SPAG17: variants seen among roughly 807,000 people sequenced by gnomAD.
The protein encoded by SPAG17 is sperm associated antigen 17, also known as sperm-associated antigen 17.
SPAG17 carries 169 observed loss-of-function variants against 273.6 expected under a neutral mutation model. That is an observed-to-expected ratio of 0.62 (90% CI 0.55 to 0.70). The LOEUF (loss-of-function observed/expected upper bound fraction) is 0.70, where lower values mean the gene tolerates loss of function less well. Among genes scored for constraint, SPAG17 ranks in the 30% least tolerant of loss-of-function variants. The probability of loss-of-function intolerance (pLI) is 0.00; values close to 1 mark genes in which losing one functional copy is unlikely to be tolerated. For synonymous variants in SPAG17, 825 were observed against 873.2 expected, an observed-to-expected ratio of 0.94 and a Z score of 0.97; for missense variants, 2,557 against 2,627.8, an observed-to-expected ratio of 0.97 and a Z score of 0.59.
intron 40 of SPAG17, among the ~76,000 whole-genome samples, chr1:117,985,574 C>T (rs1325841701): frequency 1.3e-5 from 2 of 152,120 alleles, no homozygotes; most frequent in Non-Finnish European, 2.9e-5. Context: ...GTGGTGCTTC[C>T]TACCATCAAC....
chr1:118,012,869 G>A (rs1031642778), intron 29 of SPAG17, among the ~76,000 whole-genome samples: 1 of 152,200 alleles, frequency 6.6e-6, no homozygotes. Flanking sequence ...GGGGACAGAG[G>A]CTGTAGCCTC....
chr1:117,963,046 T>G (rs1027408197), intron 48 of SPAG17: 2 of 152,246 alleles, frequency 1.3e-5, no homozygotes, highest in Admixed American at 6.5e-5. Flanking sequence ...TCACCATATA[T>G]TCAAGTCCTT....
intron 1 of SPAG17, among the ~76,000 whole-genome samples, chr1:118,164,710 G>T (rs1174631434): frequency 1.3e-5 from 2 of 152,166 alleles, no homozygotes; most frequent in South Asian, 2.1e-4. Context: ...CCCAAACTCT[G>T]AAGTGTGGAA....
intron 7 of SPAG17, 140 bp from the exon 8 acceptor site, chr1:118,093,457 C>A: frequency 1.3e-6 from 1 of 764,174 alleles, no homozygotes; most frequent in Middle Eastern, 4.0e-4. Context: ...CCACTGAATC[C>A]CAACCATGGT....
At chr1:117,991,632 T>C (rs1657089019) in intron 36 of SPAG17, 104 bp from the exon 37 acceptor site, 1 of 687,080 alleles carries the variant, frequency 1.5e-6, no homozygotes, top group Non-Finnish European at 2.4e-6. Context: ...GAAGAATATA[T>C]AGGTTTACAG....
intron 18 of SPAG17, among the ~76,000 whole-genome samples, chr1:118,058,569 C>T (rs1243921012): frequency 6.6e-6 from 1 of 152,172 alleles, no homozygotes; most frequent in Non-Finnish European, 1.5e-5. Flanking sequence ...AGAAGTGTGG[C>T]AGATGGCAGA....
intron 18 of SPAG17, among the ~76,000 whole-genome samples, chr1:118,058,174 T>C (rs1295500703): frequency 3.3e-5 from 5 of 152,172 alleles, no homozygotes; most frequent in Admixed American, 3.3e-4. Flanking sequence ...TTAAAAGACA[T>C]AGGCTATCAG....
chr1:118,108,596 C>A (rs1656554936), intron 4 of SPAG17, among the ~76,000 whole-genome samples: 1 of 152,066 alleles, frequency 6.6e-6, no homozygotes, highest in African/African-American at 2.4e-5. Context: ...CTTGTCAATT[C>A]AAGGCAAATT....
intron 1 of SPAG17, among the ~76,000 whole-genome samples, chr1:118,159,662 C>T (rs1256130940): frequency 6.6e-6 from 1 of 152,102 alleles, no homozygotes; most frequent in African/African-American, 2.4e-5. Flanking sequence ...CTTCTTTGTA[C>T]CGTGTAGCCT....
chr1:118,080,885 C>T (rs189874549), intron 15 of SPAG17, among the ~76,000 whole-genome samples: 1 of 152,180 alleles, frequency 6.6e-6, no homozygotes, highest in East Asian at 1.9e-4. Flanking sequence ...GCTAAATTTA[C>T]TAAGGTTAAG....
chr1:118,129,398 T>G (rs1465782416), intron 3 of SPAG17, among the ~76,000 whole-genome samples: 1 of 152,224 alleles, frequency 6.6e-6, no homozygotes, highest in Non-Finnish European at 1.5e-5. Flanking sequence ...ACGTAACTCT[T>G]GGGCTCCAAC....
At chr1:118,146,425 T>C (rs1158885410) in intron 3 of SPAG17, among the ~76,000 whole-genome samples, 1 of 152,254 alleles carries the variant, frequency 6.6e-6, no homozygotes, top group Admixed American at 6.5e-5. Flanking sequence ...ATACTTAAGT[T>C]CAGGCATGAA....
chr1:118,062,642 T>A (rs1384808626), intron 18 of SPAG17, among the ~76,000 whole-genome samples: 1 of 152,198 alleles, frequency 6.6e-6, no homozygotes, highest in East Asian at 1.9e-4. Flanking sequence ...GATATAATTA[T>A]AATGAAAAAC....
At chr1:118,184,894 C>G (rs1661113887) in intron 1 of SPAG17, among the ~76,000 whole-genome samples, 177 bp downstream of exon 1, 1 of 152,134 alleles carries the variant, frequency 6.6e-6, no homozygotes, top group Non-Finnish European at 1.5e-5. Context: ...GTGGGTGTTC[C>G]CTTAAGTTCC....
chr1:117,953,674 A>G lies in SPAG17; in HGVS notation c.*376T>C. 1 of 804,488 alleles carries G rather than the reference A, an allele frequency of 1.2e-6. No homozygotes were observed. The allele number at this position is 804,488 out of a possible 1,614,324, so 49.8% of individuals were successfully genotyped here. ...ATGAGATTTAAAGATGGGGATTATA[A>G]CCTGTTTCCTTCTCTTGTAACCAAA... On this transcript the variant is annotated 3_prime_UTR_variant, in exon 49 of 49. Coordinates refer to ENST00000336338, the MANE Select transcript of SPAG17 (RefSeq NM_206996.4).
At position 117,963,870 on chromosome 1, in the gene SPAG17, C is replaced by G. The variant is rs1158200531; in HGVS notation, c.6601G>C (p.Val2201Leu). ...GAATAAATTGTAGAAGTTCTCTGGACCATTGGATTTTCTTTTCCCTGGGGA... is the reference window on the plus strand; with the variant it reads ...GAATAAATTGTAGAAGTTCTCTGGAGCATTGGATTTTCTTTTCCCTGGGGA... ...DFPQGKENPM[V>L]QRTSTIYSST... is the part of the protein sequence containing the mutation. The change falls in exon 48 of 49, where the codon GTC becomes CTC. Residue 2201 changes from valine to leucine, a missense_variant. Transcript: ENST00000336338. 4 of 1,613,846 alleles carry G rather than the reference C, an allele frequency of 2.5e-6. No individual in the cohort carries two copies. Among genetic ancestry groups the G allele is most frequent in the Non-Finnish European group, 8.5e-7 (1 of 1,179,816 alleles).
At chr1:118,044,631 T>C (rs1257685844) in intron 20 of SPAG17, among the ~76,000 whole-genome samples, 2 of 152,216 alleles carry the variant, frequency 1.3e-5, no homozygotes, top group East Asian at 1.9e-4. Context: ...TGCTCAAATC[T>C]CATGTGGAAC....
chr1:118,133,569 T>C (rs1658174608), intron 3 of SPAG17, among the ~76,000 whole-genome samples: 1 of 152,140 alleles, frequency 6.6e-6, no homozygotes, highest in Non-Finnish European at 1.5e-5. Flanking sequence ...GGTTGGAAAT[T>C]AGATGGTCTC....
At chr1:118,166,801 A>G (rs968081115) in intron 1 of SPAG17, among the ~76,000 whole-genome samples, 4 of 152,212 alleles carry the variant, frequency 2.6e-5, no homozygotes, top group Admixed American at 2.0e-4. Flanking sequence ...TTATTAAAAT[A>G]CTTTTACATA....
Sources: allele counts gnomAD v4.1 joint callset (sites outside exome capture counted in the v4.1 genomes callset), GRCh38; gene constraint gnomAD v4.1.1; transcripts MANE v1.5; gene names NCBI Gene and HGNC (gene_info 2026-07-23, HGNC 2026-07-21).